CDH10: variants seen among roughly 807,000 people sequenced by gnomAD.
CDH10 encodes the protein cadherin-10.
In CDH10, 30 loss-of-function variants were observed where a neutral mutation model predicts 73.1. That is an observed-to-expected ratio of 0.41 (90% CI 0.31 to 0.56). The LOEUF is 0.56. CDH10 is among the 20% of genes least tolerant of loss of function. CDH10 has a pLI of 0.27. For missense variants in CDH10, 815 were observed against 973.7 expected (o/e 0.84, Z 2.17); for synonymous variants, 345 against 348.2 (o/e 0.99, Z 0.10).
At chr5:24,620,009 GT>G (rs1363081754) in intron 1 of CDH10, among the ~76,000 whole-genome samples, 1 of 152,098 alleles carries the variant, frequency 6.6e-6, no homozygotes, top group East Asian at 1.9e-4. Context: ...CACCATTGAG[GT>G]TTGTTCACAA....
intron 2 of CDH10, among the ~76,000 whole-genome samples, chr5:24,569,355 T>A (rs899490691): frequency 1.3e-5 from 2 of 152,074 alleles, no homozygotes; most frequent in Non-Finnish European, 2.9e-5. Flanking sequence ...ACTGTACACT[T>A]AAAAATGGCT....
Position 24,491,814 on chromosome 5 carries a change from T to G in CDH10, c.1638A>C (p.Arg546Ser), listed in dbSNP as rs1403080998. The G allele has an allele frequency of 2.5e-6, 4 of 1,596,408 alleles. No individual in the cohort carries two copies. The highest frequency in any genetic ancestry group is 3.4e-6 in the Non-Finnish European group (4 of 1,165,278). Residue 546 changes from arginine (R) to serine (S), a missense_variant, in exon 11 of 12, where the codon AGA becomes AGC. Physicochemically the swap from Arg to Ser is moderately radical, Grantham distance 110. This residue lies in a region of CDH10 where 516 missense variants were observed against 636.6 expected (regional missense o/e 0.81). Coordinates refer to ENST00000264463, the MANE Select transcript of CDH10 (RefSeq NM_006727.5). ...TVQDNEDNTA[R>S]ILTRKNGFNR... ...TGAATCCATTTTTTCTGGTTAAGAT[T>G]CTGGCAGTATTATCTAAAACAAATT...
chr5:24,551,984 T>C (rs1671944351), intron 2 of CDH10, among the ~76,000 whole-genome samples: 1 of 152,138 alleles, frequency 6.6e-6, no homozygotes. Context: ...ATTTTCTACA[T>C]GGATTTTTAA....
intron 9 of CDH10, among the ~76,000 whole-genome samples, chr5:24,497,177 T>C (rs1283568583): frequency 1.3e-5 from 2 of 152,136 alleles, no homozygotes; most frequent in Non-Finnish European, 2.9e-5. Flanking sequence ...TTTTGTATAT[T>C]TTGAATACAT....
At chr5:24,521,792 A>T (rs959159587) in intron 5 of CDH10, among the ~76,000 whole-genome samples, 4 of 152,166 alleles carry the variant, frequency 2.6e-5, no homozygotes, top group African/African-American at 9.7e-5. Flanking sequence ...TCATCCAACA[A>T]GAAAATAAGT....
chr5:24,632,684 A>G (rs1472120624), intron 1 of CDH10, among the ~76,000 whole-genome samples: 1 of 152,046 alleles, frequency 6.6e-6, no homozygotes, highest in Non-Finnish European at 1.5e-5. Flanking sequence ...GCTTTAACAC[A>G]TAACATAGAG....
At chr5:24,568,328 A>G (rs370379877) in intron 2 of CDH10, among the ~76,000 whole-genome samples, 37 of 152,300 alleles carry the variant, frequency 2.4e-4, no homozygotes, top group East Asian at 1.5e-3. Context: ...TTAAAAAAAG[A>G]TCAAAGAAAT....
At chr5:24,616,904 A>T (rs1747148885) in intron 1 of CDH10, among the ~76,000 whole-genome samples, 1 of 152,198 alleles carries the variant, frequency 6.6e-6, no homozygotes, top group Non-Finnish European at 1.5e-5. Context: ...AAAAAAATTC[A>T]AGGACATTTA....
intron 2 of CDH10, among the ~76,000 whole-genome samples, chr5:24,576,798 T>C (rs1745620326): frequency 6.6e-6 from 1 of 152,130 alleles, no homozygotes; most frequent in Admixed American, 6.5e-5. Context: ...GAGTGGACTA[T>C]GCTTAGTGAC....
At chr5:24,491,530 A>T (rs2111634937) in intron 11 of CDH10, 46 bp downstream of exon 11, 2 of 1,543,614 alleles carry the variant, frequency 1.3e-6, no homozygotes. Context: ...TCAAAATCAT[A>T]CTAAAGAGCC....
intron 1 of CDH10, among the ~76,000 whole-genome samples, chr5:24,642,333 T>C (rs955154112): frequency 1.3e-5 from 2 of 152,124 alleles, no homozygotes; most frequent in Non-Finnish European, 2.9e-5. Flanking sequence ...ATCCCCCAGA[T>C]AGTATATACT....
chr5:24,633,253 AT>A (rs1161790784), intron 1 of CDH10, among the ~76,000 whole-genome samples: 1 of 151,814 alleles, frequency 6.6e-6, no homozygotes, highest in African/African-American at 2.4e-5. Context: ...TACTAGTAAA[AT>A]TACAAGCAGT....
chr5:24,535,344 C>A (rs2111880138), intron 4 of CDH10, 65 bp from the exon 5 acceptor site: 3 of 1,436,662 alleles, frequency 2.1e-6, no homozygotes, highest in South Asian at 1.3e-5. Flanking sequence ...TTTATTAAGT[C>A]CACAAAAAGT....
Position 24,524,001 on chromosome 5 carries a change from T to G in CDH10, c.814+11111A>C, listed in dbSNP as rs1016462844. The stretch of plus-strand genomic sequence containing the variant: ...TGTGCATGAATGCACATAAGTACAT[T>G]AATTTTTTTCTAAAGCACACATGCA... On this transcript the variant is annotated intron_variant, in intron 5 of 11. Transcript: ENST00000264463. Among the ~76,000 whole-genome samples, 5 of 152,128 alleles carry G rather than the reference T, an allele frequency of 3.3e-5. 1 individual carries two copies. The highest frequency in any genetic ancestry group is 7.4e-5 in the Non-Finnish European group (5 of 68,014).
chr5:24,613,340 A>G (rs1235551823), intron 1 of CDH10: 1 of 152,144 alleles, frequency 6.6e-6, no homozygotes, highest in Non-Finnish European at 1.5e-5. Context: ...AATAAATAAC[A>G]CGTGGTTACA....
At chr5:24,503,699 T>G (rs918541670) in intron 8 of CDH10, among the ~76,000 whole-genome samples, 1 of 152,214 alleles carries the variant, frequency 6.6e-6, no homozygotes, top group African/African-American at 2.4e-5. Flanking sequence ...TCAGTTGTGC[T>G]ACCTCTGACA....
chr5:24,511,373 A>T lies in CDH10; in HGVS notation c.956T>A (p.Ile319Asn), dbSNP rs1176440527. ...IDGDGTDMFDIVTEKDTQEGI... is the reference protein window; with the variant it reads ...IDGDGTDMFDNVTEKDTQEGI... ...TTCCTGTGTGTCCTTCTCAGTCACG[A>T]TGTCAAACATATCAGTACCGTCACC... Residue 319 changes from isoleucine (I) to asparagine (N), a missense_variant, in exon 6 of 12, where the codon ATC (isoleucine) becomes AAC (asparagine). Ile to Asn is a moderately radical substitution (Grantham distance 149). Around this residue, in one of 3 missense-constraint regions of CDH10, gnomAD observed 516 missense variants for 636.6 expected, o/e 0.81. Coordinates refer to ENST00000264463, the MANE Select transcript of CDH10 (RefSeq NM_006727.5). 6.2e-7 allele frequency: 1 copy of T among 1,612,900 alleles called. No homozygotes were observed.
Position 24,593,568 on chromosome 5 carries a change from A to G in CDH10, c.-78T>C. ...ACCCAGTTGGTTTTACTGTGTTTCA[A>G]CTGGTTTCCAACATTTCATCAATGT... On this transcript the variant is annotated 5_prime_UTR_variant, in exon 2 of 12. Transcript: ENST00000264463. 1 of 728,368 alleles carries G rather than the reference A, an allele frequency of 1.4e-6. No homozygotes were observed. The highest frequency in any genetic ancestry group is 1.7e-5 in the South Asian group (1 of 57,318). 45.1% of individuals were successfully genotyped at this position (728,368 alleles called of 1,614,324 possible).
At chr5:24,541,396 T>G (rs1292374099) in intron 2 of CDH10, among the ~76,000 whole-genome samples, 1 of 152,032 alleles carries the variant, frequency 6.6e-6, no homozygotes, top group Non-Finnish European at 1.5e-5. Flanking sequence ...CTATTCCAAT[T>G]CATTGACTGA....
Sources: gnomAD v4.1 joint callset for allele counts (sites outside exome capture counted in the v4.1 genomes callset) on GRCh38, gnomAD v4.1.1 for gene constraint, gnomAD v4.1.1 regional missense constraint, MANE v1.5 for transcripts, NCBI Gene and HGNC (gene_info 2026-07-23, HGNC 2026-07-21) for gene names.